The following TIMM23 variants were observed in gnomAD, a reference collection of about 807,000 sequenced individuals.
The protein encoded by TIMM23 is translocase of inner mitochondrial membrane 23, also known as mitochondrial import inner membrane translocase subunit Tim23.
Under a neutral mutation model 30.7 loss-of-function variants are expected in TIMM23, and 19 were observed. The ratio of observed to expected loss-of-function variants is 0.62; its 90% CI spans 0.43 to 0.91. The LOEUF (loss-of-function observed/expected upper bound fraction) is 0.91. TIMM23 is among the 40% of genes least tolerant of loss of function. The pLI is 0.00. For synonymous variants in TIMM23, 78 were observed against 98.5 expected (o/e 0.79, Z 1.23); for missense variants, 202 against 269.2 (o/e 0.75, Z 1.75).
chr10:45,978,541 A>C (rs1837745377), intron 2 of TIMM23, among the ~76,000 whole-genome samples: 1 of 152,222 alleles, frequency 6.6e-6, no homozygotes, highest in African/African-American at 2.4e-5. Context: ...TCTAATAATG[A>C]CATGAAAGCT....
intron 6 of TIMM23, chr10:45,998,464 C>G (rs1838414632): frequency 2.3e-6 from 2 of 861,874 alleles, no homozygotes; most frequent in Admixed American, 1.2e-4. Flanking sequence ...TTTGGTTACT[C>G]TGTTCAAAGC....
intron 2 of TIMM23, among the ~76,000 whole-genome samples, chr10:45,980,397 C>T (rs1490069489): frequency 6.6e-6 from 1 of 151,998 alleles, no homozygotes; most frequent in Non-Finnish European, 1.5e-5. Flanking sequence ...CTGTGCCTAG[C>T]CAACTTTTAT....
chr10:45,988,901 T>G, intron 6 of TIMM23, 54 bp downstream of exon 6: 2 of 1,562,368 alleles, frequency 1.3e-6, no homozygotes, highest in Admixed American at 3.4e-5. Context: ...GTGCGCTTTT[T>G]AAAATTCATG....
At chr10:46,002,562 T>C in intron 6 of TIMM23, 1 of 918,962 alleles carries the variant, frequency 1.1e-6, no homozygotes, top group Non-Finnish European at 1.3e-6. Flanking sequence ...TTGTTTACAT[T>C]ACAGACTTAA....
intron 6 of TIMM23, chr10:45,992,442 G>A (rs1838191951): frequency 2.2e-6 from 1 of 455,962 alleles, no homozygotes; most frequent in Non-Finnish European, 4.4e-6. Flanking sequence ...ATCTCAATAT[G>A]CGTAGACTCT....
At chr10:45,995,917 A>G (rs1310615605) in intron 6 of TIMM23, among the ~76,000 whole-genome samples, 1 of 148,124 alleles carries the variant, frequency 6.8e-6, no homozygotes, top group Non-Finnish European at 1.5e-5. Flanking sequence ...TGGAGTCAAA[A>G]TGCTACGTGA....
intron 2 of TIMM23, among the ~76,000 whole-genome samples, chr10:45,977,157 G>A (rs1837697601): frequency 6.7e-6 from 1 of 149,330 alleles, no homozygotes; most frequent in Admixed American, 6.7e-5. Context: ...AAATGGCAGT[G>A]CTCACCAAAT....
chr10:45,975,368 A>T (rs1554912789), intron 1 of TIMM23, 86 bp from the exon 2 acceptor site: 2 of 1,513,398 alleles, frequency 1.3e-6, no homozygotes, highest in Non-Finnish European at 1.8e-6. Context: ...AATTGCAAAC[A>T]CATGTAACAG....
At chr10:45,980,956 T>G (rs1554913906) in intron 2 of TIMM23, among the ~76,000 whole-genome samples, 1 of 148,878 alleles carries the variant, frequency 6.7e-6, no homozygotes, top group Non-Finnish European at 1.5e-5. Context: ...TTTTTTTTTT[T>G]GGAGATGGAG....
chr10:45,976,257 T>G (rs1554913074), intron 2 of TIMM23, among the ~76,000 whole-genome samples: 1 of 151,284 alleles, frequency 6.6e-6, no homozygotes, highest in African/African-American at 2.4e-5. Flanking sequence ...GACCACATGC[T>G]TATCTCAATA....
chr10:45,975,324 G>A, intron 1 of TIMM23, 130 bp from the exon 2 acceptor site: 5 of 1,268,890 alleles, frequency 3.9e-6, no homozygotes, highest in Non-Finnish European at 5.7e-6. Flanking sequence ...GGATAAAATG[G>A]GAAAAAATTT....
In TIMM23 at chr10:45,998,831, C is replaced by CTT. The variant is rs35752006; in HGVS notation, c.515-4354_515-4353dup. ...AATATGTTACTGGTGTCCCAAATAT[C>CTT]TTTTTTTTTTTTTTTTTTTGAGACA... On this transcript the variant is annotated intron_variant, in intron 6 of 6. Transcript: ENST00000580018. Among the ~76,000 whole-genome samples, 278 of 125,186 alleles carry CTT rather than the reference C, an allele frequency of 2.2e-3. 3 individuals are homozygous for CTT. The highest frequency in any genetic ancestry group is 0.019 in the East Asian group (83 of 4,352). The allele number at this position is 125,186 out of a possible 152,430, so 82.1% of individuals were successfully genotyped here.
At chr10:45,997,977 T>C (rs1189623313) in intron 6 of TIMM23, among the ~76,000 whole-genome samples, 13 of 152,330 alleles carry the variant, frequency 8.5e-5, no homozygotes, top group African/African-American at 3.1e-4. Context: ...AGACAGCTGC[T>C]GACAGTCCTC....
chr10:45,982,718 A>T, intron 3 of TIMM23, 102 bp downstream of exon 3: 5 of 1,545,868 alleles, frequency 3.2e-6, no homozygotes, highest in Admixed American at 1.9e-5. Flanking sequence ...TTTTTTTTTT[A>T]ATATTTACAT....
chr10:45,978,648 T>A (rs1400340176), intron 2 of TIMM23, among the ~76,000 whole-genome samples: 2 of 152,170 alleles, frequency 1.3e-5, no homozygotes, highest in Admixed American at 6.5e-5. Context: ...TGAGTATTGT[T>A]GAGGATGTAG....
chr10:45,987,044 T>C (rs1303831761), intron 5 of TIMM23, among the ~76,000 whole-genome samples: 1 of 152,172 alleles, frequency 6.6e-6, no homozygotes, highest in Non-Finnish European at 1.5e-5. Context: ...CTTCTGGTTT[T>C]TAAGTGACTG....
Position 46,003,273 on chromosome 10 carries a change from T to C in TIMM23, c.585T>C (p.Asn195=). 1 of 1,614,194 alleles carries C rather than the reference T, an allele frequency of 6.2e-7. No homozygotes were observed. The highest frequency in any genetic ancestry group is 8.5e-7 in the Non-Finnish European group (1 of 1,180,022). Residue 195 remains asparagine (N), a synonymous_variant, in exon 7 of 7, where the codon AAT becomes AAC. Coordinates refer to ENST00000580018, the MANE Select transcript of TIMM23 (RefSeq NM_006327.4). ...LTLTSLYALY[N]NWEHMKGSLL... The stretch of plus-strand genomic sequence containing the variant: ...TTACCAGCCTCTATGCACTATATAA[T>C]AACTGGGAGCACATGAAAGGCTCCT...
intron 6 of TIMM23, among the ~76,000 whole-genome samples, chr10:45,995,454 A>G (rs1168207142): frequency 7.2e-6 from 1 of 138,720 alleles, no homozygotes; most frequent in Admixed American, 7.6e-5. Flanking sequence ...GCCATTTGCC[A>G]CTCTGCATAA....
chr10:46,002,810 ATTTTTTTTTTTTT>A (rs386371331), intron 6 of TIMM23, among the ~76,000 whole-genome samples: 1 of 95,068 alleles, frequency 1.1e-5, no homozygotes, highest in Non-Finnish European at 2.0e-5. Flanking sequence ...ATTTCATAGT[ATTTTTTTTTTTTT>A]TTTTTTTTTT....
Sources: allele counts gnomAD v4.1 joint callset (sites outside exome capture counted in the v4.1 genomes callset), GRCh38; gene constraint gnomAD v4.1.1; transcripts MANE v1.5; gene names NCBI Gene and HGNC (gene_info 2026-07-23, HGNC 2026-07-21).